The following ZNF140 variants were observed in gnomAD, a reference collection of about 807,000 sequenced individuals.
ZNF140 encodes zinc finger protein 140 (clone pHZ-39).
ZNF140 carries 13 observed loss-of-function variants against 12.9 expected under a neutral mutation model. The ratio of observed to expected loss-of-function variants is 1.01; its 90% CI spans 0.66 to 1.60. The LOEUF (loss-of-function observed/expected upper bound fraction) is 1.60, where lower values mean the gene tolerates loss of function less well. ZNF140 is among the 40% of genes most tolerant of loss of function. The probability of loss-of-function intolerance (pLI) is 0.00; values close to 1 mark genes in which losing one functional copy is unlikely to be tolerated. For missense variants in ZNF140, 531 were observed against 548.8 expected (o/e 0.97, Z 0.32); for synonymous variants, 214 against 186.7 (o/e 1.15, Z -1.19).
intron 4 of ZNF140, 22 bp from the exon 5 acceptor site, chr12:133,105,488 C>CTTTTTTTTTTTT: frequency 1.3e-6 from 2 of 1,519,458 alleles, no homozygotes; most frequent in Non-Finnish European, 1.8e-6. Flanking sequence ...GAAACATTCA[C>CTTTTTTTTTTTT]TTTTTTTTTG....
At position 133,104,518 on chromosome 12, in the gene ZNF140, AT is replaced by A. The variant is rs1593806878; in HGVS notation, c.233-986del. Among the ~76,000 whole-genome samples, 3 of 151,858 alleles carry A rather than the reference AT, an allele frequency of 2.0e-5. No homozygotes were observed. In the South Asian group the frequency reaches 6.2e-4, roughly 32 times the overall value. ...AGGTGCATGCCATCACGCCTGGCTA[AT>A]TTTTTGTATTCTTAGTAGAGACGGG... On this transcript the variant is annotated intron_variant, in intron 4 of 4. Transcript: ENST00000355557.
rs954809519 is a variant in ZNF140, at chr12:133,091,834, T to C, written c.232+8273T>C. Among the ~76,000 whole-genome samples the C allele has an allele frequency of 2.3e-4, 35 of 151,138 alleles. 3 individuals are homozygous for C. Among genetic ancestry groups the C allele is most frequent in the African/African-American group, 8.1e-4 (33 of 40,816 alleles). On this transcript the variant is annotated intron_variant, in intron 4 of 4. Coordinates refer to ENST00000355557, the MANE Select transcript of ZNF140 (RefSeq NM_003440.4). The stretch of plus-strand genomic sequence containing the variant: ...ATAATGTTCTTTCAATTTGGAAATA[T>C]CTAAAGTAAGATTGTCTTCTCTTCC...
At position 133,083,133 on chromosome 12, in the gene ZNF140, G is replaced by C. The variant is rs1954560403; in HGVS notation, c.40G>C (p.Asp14His). The C allele has an allele frequency of 3.7e-6, 6 of 1,614,180 alleles. No individual in the cohort carries two copies. The Admixed American group carries it at 8.3e-5, about 22-fold the overall frequency. Residue 14 changes from aspartate (D) to histidine (H), a missense_variant, in exon 3 of 5, where the codon GAC (aspartate) becomes CAC (histidine). Asp to His is a moderately conservative substitution (Grantham distance 81). Transcript: ENST00000355557. ...GSVTFRDVAI[D>H]FSQEEWKWLQ... ...AGTGACATTCAGAGATGTGGCCATA[G>C]ACTTCTCCCAGGAGGAGTGGAAATG...
intron 4 of ZNF140, chr12:133,093,513 T>G (rs1954965963): frequency 4.3e-6 from 3 of 698,120 alleles, no homozygotes; most frequent in African/African-American, 3.6e-5. Flanking sequence ...GTTGTAAGTA[T>G]CCAAACTGGA....
Position 133,106,202 on chromosome 12 carries a change from G to A in ZNF140, c.925G>A (p.Ala309Thr). 6.2e-7 allele frequency: 1 copy of A among 1,614,112 alleles called. No individual in the cohort carries two copies. The highest frequency in any genetic ancestry group is 8.5e-7 in the Non-Finnish European group (1 of 1,180,022). ...TTATGAATGCATTGAATGTGGGAAG[G>A]CATTTCGCCGTTTCTCACACCTTAC... ...KPYECIECGKAFRRFSHLTRH... is the reference protein window; with the variant it reads ...KPYECIECGKTFRRFSHLTRH... Residue 309 changes from alanine to threonine, a missense_variant, in exon 5 of 5, where the codon GCA becomes ACA. Transcript: ENST00000355557.
intron 4 of ZNF140, among the ~76,000 whole-genome samples, chr12:133,092,961 T>TTTGA (rs1464392418): frequency 2.0e-5 from 3 of 151,180 alleles, no homozygotes; most frequent in African/African-American, 7.4e-5. Flanking sequence ...TTTAATGATC[T>TTTGA]TTGATAGGAA....
intron 4 of ZNF140, among the ~76,000 whole-genome samples, chr12:133,097,536 G>A (rs1017954516): frequency 2.0e-5 from 3 of 151,594 alleles, no homozygotes; most frequent in Non-Finnish European, 2.9e-5. Context: ...CCAGCTACTC[G>A]GGAGGCTGAG....
At chr12:133,084,098 T>C in intron 4 of ZNF140, 1 of 414,186 alleles carries the variant, frequency 2.4e-6, no homozygotes. Flanking sequence ...CCTTATACTT[T>C]CTTTTCTTTC....
chr12:133,081,977 A>AT (rs1954520128), intron 2 of ZNF140: 1 of 155,006 alleles, frequency 6.5e-6, no homozygotes, highest in Non-Finnish European at 1.4e-5. Context: ...CTTCCAAGTG[A>AT]TTCTAATGTG....
Position 133,083,828 on chromosome 12 carries a change from C to T in ZNF140, c.232+267C>T, listed in dbSNP as rs997062446. On this transcript the variant is annotated intron_variant, in intron 4 of 4. Transcript: ENST00000355557. ...CAAAAAAATTTGCCGGGCTTGGTGG[C>T]GGGTGCCTGTAGTCCCAGCTACTTG... Among the ~76,000 whole-genome samples, 4 of 152,030 alleles carry T rather than the reference C, an allele frequency of 2.6e-5. No homozygotes were observed. The South Asian group carries it at 8.3e-4, about 32-fold the overall frequency.
intron 4 of ZNF140, chr12:133,100,959 A>T: frequency 6.6e-6 from 3 of 453,664 alleles, no homozygotes; most frequent in South Asian, 4.7e-5. Context: ...GGAATTTTCT[A>T]TTTAATACTT....
At chr12:133,105,447 A>G (rs1439436167) in intron 4 of ZNF140, 63 bp from the exon 5 acceptor site, 2 of 1,450,586 alleles carry the variant, frequency 1.4e-6, no homozygotes, top group Non-Finnish European at 1.8e-6. Flanking sequence ...AGAAGGGAGA[A>G]ATGGCCTTAT....
chr12:133,091,277 C>T (rs1016648597), intron 4 of ZNF140, among the ~76,000 whole-genome samples: 5 of 150,788 alleles, frequency 3.3e-5, no homozygotes, highest in African/African-American at 4.9e-5. Flanking sequence ...TAGAGAATGG[C>T]GATGACTTTT....
In ZNF140 at chr12:133,106,725, C is replaced by A; in HGVS notation, c.*74C>A. 1 of 1,341,186 alleles carries A rather than the reference C, an allele frequency of 7.5e-7. No individual in the cohort carries two copies. The highest frequency in any genetic ancestry group is 1.0e-6 in the Non-Finnish European group (1 of 997,184). 83.1% of individuals were successfully genotyped at this position (1,341,186 alleles called of 1,614,324 possible). A position where few individuals can be genotyped will look rare whatever the true frequency, so the allele number is the denominator to read the frequency against. On this transcript the variant is annotated 3_prime_UTR_variant, in exon 5 of 5. Coordinates refer to ENST00000355557, the MANE Select transcript of ZNF140 (RefSeq NM_003440.4). ...AAGTATAATGCCTTACTTCAGAGAA[C>A]TCTTGGAAAGAAGCCTTATGTGAAA...
chr12:133,091,963 A>G (rs1460379994), intron 4 of ZNF140, among the ~76,000 whole-genome samples: 1 of 151,190 alleles, frequency 6.6e-6, no homozygotes. Context: ...ACTGAAAAAG[A>G]TATTCCAGGC....
chr12:133,091,067 A>G (rs1303870908), intron 4 of ZNF140, among the ~76,000 whole-genome samples: 16 of 149,132 alleles, frequency 1.1e-4, no homozygotes, highest in African/African-American at 3.5e-4. Flanking sequence ...TCTCAACTGC[A>G]AGAGGCTTTC....
chr12:133,085,076 G>A (rs1001528117), intron 4 of ZNF140, among the ~76,000 whole-genome samples: 2 of 151,668 alleles, frequency 1.3e-5, no homozygotes, highest in African/African-American at 2.4e-5. Flanking sequence ...CTAGGCTGGA[G>A]TGCGATGGCG....
At chr12:133,081,490 C>T (rs1954501013) in intron 2 of ZNF140, 161 bp downstream of exon 2, 3 of 459,102 alleles carry the variant, frequency 6.5e-6, no homozygotes, top group Non-Finnish European at 1.3e-5. Flanking sequence ...CCCACTTGGC[C>T]TGTTTCCGCT....
chr12:133,106,739 C>G lies in ZNF140; in HGVS notation c.*88C>G, dbSNP rs1955615386. ...ACTTCAGAGAACTCTTGGAAAGAAG[C>G]CTTATGTGAAAGTGATGACTGTGAA... On this transcript the variant is annotated 3_prime_UTR_variant, in exon 5 of 5. Coordinates refer to ENST00000355557, the MANE Select transcript of ZNF140 (RefSeq NM_003440.4). The G allele has an allele frequency of 4.0e-6, 5 of 1,243,782 alleles. No homozygotes were observed. Among genetic ancestry groups the G allele is most frequent in the Admixed American group, 2.6e-5 (1 of 38,058 alleles). 77.0% of individuals were successfully genotyped at this position (1,243,782 alleles called of 1,614,324 possible).
Sources: allele counts gnomAD v4.1 joint callset (sites outside exome capture counted in the v4.1 genomes callset), GRCh38; gene constraint gnomAD v4.1.1; transcripts MANE v1.5; gene names NCBI Gene and HGNC (gene_info 2026-07-23, HGNC 2026-07-21).